The following HTR4 variants were observed in gnomAD, a reference collection of about 807,000 sequenced individuals.
HTR4 encodes 5-hydroxytryptamine (serotonin) receptor 4, G protein-coupled.
In HTR4, 16 loss-of-function variants were observed where a neutral mutation model predicts 36.8. The ratio of observed to expected loss-of-function variants is 0.43; its 90% CI spans 0.29 to 0.66. HTR4 has a LOEUF of 0.66. HTR4 is among the 30% of genes least tolerant of loss of function. HTR4 has a pLI of 0.13. For missense variants in HTR4, 438 were observed against 490.9 expected (o/e 0.89, Z 1.02); for synonymous variants, 189 against 185.1 (o/e 1.02, Z -0.17).
intron 5 of HTR4, among the ~76,000 whole-genome samples, chr5:148,457,317 C>T (rs12374521): frequency 0.45 from 68,303 of 151,922 alleles, 16,774 homozygotes; most frequent in Middle Eastern, 0.62. Context: ...GCAATGCAAG[C>T]GACAACTCCC....
chr5:148,654,453 G>T lies in HTR4; in HGVS notation c.-439C>A. ...CAGGGCGCACAGGGGAGTGGGCACA[G>T]AGGCGGGCTGGAGCGATCTCACCCG... On this transcript the variant is annotated 5_prime_UTR_variant, in exon 1 of 7. It adds an upstream start codon to the 5' untranslated region. Transcript: ENST00000377888. The T allele has an allele frequency of 2.0e-6, 2 of 985,416 alleles. No homozygotes were observed. Among genetic ancestry groups the T allele is most frequent in the Non-Finnish European group, 2.4e-6 (2 of 829,966 alleles). 61.0% of individuals were successfully genotyped at this position (985,416 alleles called of 1,614,324 possible). A position where few individuals can be genotyped will look rare whatever the true frequency, so the allele number is the denominator to read the frequency against.
intron 4 of HTR4, among the ~76,000 whole-genome samples, chr5:148,523,553 C>G (rs535426797): frequency 6.6e-6 from 1 of 151,166 alleles, no homozygotes; most frequent in South Asian, 2.1e-4. Context: ...AAGAGGAGAG[C>G]AAGTGGCAGA....
chr5:148,527,905 C>A (rs1470406338), intron 4 of HTR4, among the ~76,000 whole-genome samples: 1 of 152,194 alleles, frequency 6.6e-6, no homozygotes, highest in Non-Finnish European at 1.5e-5. Context: ...TGAGCCACCA[C>A]ACCTGGCCCC....
chr5:148,510,416 T>C (rs1472517807), intron 5 of HTR4, among the ~76,000 whole-genome samples: 1 of 152,134 alleles, frequency 6.6e-6, no homozygotes. Flanking sequence ...CAACCAGAAG[T>C]GAAATTCTGC....
At chr5:148,548,549 A>G (rs766977574) in intron 4 of HTR4, 119 bp downstream of exon 4, 11 of 884,792 alleles carry the variant, frequency 1.2e-5, no homozygotes, top group Non-Finnish European at 1.6e-5. Context: ...CTGAATTATC[A>G]AATTTACCTC....
chr5:148,521,518 G>A (rs576311891), intron 5 of HTR4, among the ~76,000 whole-genome samples: 11 of 151,508 alleles, frequency 7.3e-5, no homozygotes, highest in South Asian at 2.1e-4. Flanking sequence ...CTAGTGTGCC[G>A]GCATTTGGAC....
chr5:148,513,718 C>A (rs929651966), intron 5 of HTR4, among the ~76,000 whole-genome samples: 1 of 152,144 alleles, frequency 6.6e-6, no homozygotes, highest in Non-Finnish European at 1.5e-5. Context: ...AAACTGACAT[C>A]TTTACAATGT....
intron 2 of HTR4, among the ~76,000 whole-genome samples, chr5:148,565,088 C>T (rs1245545674): frequency 1.4e-5 from 2 of 141,588 alleles, no homozygotes; most frequent in Non-Finnish European, 1.5e-5. Context: ...CCAGCCTGGG[C>T]AACAGAGTGA....
intron 2 of HTR4, among the ~76,000 whole-genome samples, chr5:148,600,898 A>G (rs950786580): frequency 6.7e-6 from 1 of 150,316 alleles, no homozygotes; most frequent in Non-Finnish European, 1.5e-5. Context: ...CCACAGAATA[A>G]GAGAAAATAC....
intron 2 of HTR4, chr5:148,629,489 A>C (rs1482345313): frequency 6.6e-6 from 1 of 152,208 alleles, no homozygotes; most frequent in Non-Finnish European, 1.5e-5. Flanking sequence ...GGAAGCTTTG[A>C]GGCCTACAGA....
At chr5:148,521,086 G>A (rs1256359015) in intron 5 of HTR4, 38 of 1,245,256 alleles carry the variant, frequency 3.1e-5, no homozygotes, top group African/African-American at 3.1e-5. Context: ...CCCACATCTC[G>A]ATGTATCCGG....
intron 5 of HTR4, among the ~76,000 whole-genome samples, chr5:148,510,790 A>G (rs1757460897): frequency 6.6e-6 from 1 of 152,260 alleles, no homozygotes; most frequent in Non-Finnish European, 1.5e-5. Flanking sequence ...TCTCATTTAG[A>G]TAACACAGAG....
intron 2 of HTR4, among the ~76,000 whole-genome samples, chr5:148,595,416 A>G: frequency 6.6e-6 from 1 of 152,098 alleles, no homozygotes; most frequent in Non-Finnish European, 1.5e-5. Flanking sequence ...CCCAAAAATT[A>G]CAAAAGAAAT....
chr5:148,477,763 CT>C (rs34242780), downstream of HTR4, among the ~76,000 whole-genome samples: 6 of 152,070 alleles, frequency 3.9e-5, no homozygotes, highest in South Asian at 2.1e-4. Context: ...TCTCCTACCA[CT>C]TTTTTTTCGC....
At chr5:148,520,787 C>T (rs1757977034) in intron 5 of HTR4, 1 of 1,036,008 alleles carries the variant, frequency 9.7e-7, no homozygotes, top group East Asian at 5.4e-5. Context: ...TTCATTTCCT[C>T]CAGGAATGGT....
At chr5:148,520,990 G>A (rs1279164895) in intron 5 of HTR4, 1 of 1,367,642 alleles carries the variant, frequency 7.3e-7, no homozygotes, top group East Asian at 4.6e-5. Context: ...GCAGGACTAA[G>A]GGCTAAGAAT....
intron 5 of HTR4, chr5:148,451,302 T>A: frequency 6.2e-7 from 1 of 1,613,146 alleles, no homozygotes; most frequent in East Asian, 2.2e-5. Flanking sequence ...GGCATGAGAA[T>A]TCAACAGGCA....
chr5:148,463,501 A>G (rs979578165), intron 5 of HTR4, among the ~76,000 whole-genome samples: 3 of 152,010 alleles, frequency 2.0e-5, no homozygotes, highest in Non-Finnish European at 2.9e-5. Context: ...TTTGTACTGG[A>G]ATGTTGTAAA....
intron 2 of HTR4, among the ~76,000 whole-genome samples, chr5:148,558,950 A>G (rs2113863127): frequency 6.6e-6 from 1 of 152,358 alleles, no homozygotes; most frequent in Admixed American, 6.5e-5. Flanking sequence ...AGTTGAACAC[A>G]TTGTAAATGG....
Sources: gnomAD v4.1 joint callset for allele counts (sites outside exome capture counted in the v4.1 genomes callset) on GRCh38, gnomAD v4.1.1 for gene constraint, MANE v1.5 for transcripts, NCBI Gene and HGNC (gene_info 2026-07-23, HGNC 2026-07-21) for gene names.